Variants in CFAP70 observed in about 807,000 individuals in gnomAD.
The protein encoded by CFAP70 is cilia- and flagella-associated protein 70.
CFAP70 carries 81 observed loss-of-function variants against 137.6 expected under a neutral mutation model. That is an observed-to-expected ratio of 0.59 (90% CI 0.49 to 0.71). The LOEUF (loss-of-function observed/expected upper bound fraction) is 0.71. Among genes scored for constraint, CFAP70 ranks in the 30% least tolerant of loss-of-function variants. CFAP70 has a pLI of 0.00. For missense variants in CFAP70, 976 were observed against 1,226.7 expected, an observed-to-expected ratio of 0.80 and a Z score of 3.05; for synonymous variants, 382 against 423.6, an observed-to-expected ratio of 0.90 and a Z score of 1.20.
intron 12 of CFAP70, among the ~76,000 whole-genome samples, chr10:73,300,306 T>G (rs1449401414): frequency 6.6e-6 from 1 of 152,176 alleles, no homozygotes; most frequent in Non-Finnish European, 1.5e-5. Context: ...TCCCTTTTAG[T>G]TTCAGGTTCT....
At chr10:73,352,265 A>T (rs1043420118) in intron 3 of CFAP70, among the ~76,000 whole-genome samples, 1 of 152,360 alleles carries the variant, frequency 6.6e-6, no homozygotes, top group South Asian at 2.1e-4. Flanking sequence ...CTTCTCTGAC[A>T]TCACTAGGGT....
intron 15 of CFAP70, chr10:73,296,552 T>C (rs1424786112): frequency 1.3e-5 from 2 of 152,476 alleles, no homozygotes; most frequent in Non-Finnish European, 2.9e-5. Flanking sequence ...GAAGGCAAGA[T>C]GGAAGACTTA....
intron 19 of CFAP70, among the ~76,000 whole-genome samples, chr10:73,289,195 C>T (rs187694784): frequency 2.6e-5 from 4 of 152,140 alleles, no homozygotes; most frequent in Admixed American, 2.0e-4. Context: ...AGATGATGAA[C>T]ATCAACTGAA....
chr10:73,271,239 C>T (rs531669977), intron 24 of CFAP70, among the ~76,000 whole-genome samples: 11 of 152,224 alleles, frequency 7.2e-5, no homozygotes, highest in Non-Finnish European at 1.2e-4. Flanking sequence ...AGGCCGGGTG[C>T]GGTGGCTCAC....
rs1204217542 is a variant in CFAP70, at chr10:73,335,541, C to T, written c.583-17G>A. ...TTCGCTGTCCTGTAAAATATAAATA[C>T]TTCTGTTCTCGGTATGTGTGCCATG... On this transcript the variant is annotated splice_polypyrimidine_tract_variant and intron_variant, in intron 6 of 26. Transcript: ENST00000310715. The T allele has an allele frequency of 1.3e-6, 2 of 1,583,086 alleles. No homozygotes were observed. The highest frequency in any genetic ancestry group is 1.7e-6 in the Non-Finnish European group (2 of 1,154,730).
intron 12 of CFAP70, among the ~76,000 whole-genome samples, chr10:73,305,611 T>C (rs572684579): frequency 6.6e-6 from 1 of 152,326 alleles, no homozygotes; most frequent in East Asian, 1.9e-4. Context: ...TGTTTTGTTT[T>C]TGTTTGTATT....
intron 19 of CFAP70, among the ~76,000 whole-genome samples, chr10:73,281,390 T>C (rs1564778036): frequency 6.6e-6 from 1 of 151,732 alleles, no homozygotes; most frequent in African/African-American, 2.4e-5. Context: ...AGTTTTGCCA[T>C]TTTGTGCAGG....
chr10:73,345,932 C>T (rs1232614243), intron 4 of CFAP70, among the ~76,000 whole-genome samples: 3 of 151,484 alleles, frequency 2.0e-5, no homozygotes, highest in Non-Finnish European at 1.5e-5. Flanking sequence ...CAGAGTCTCC[C>T]TCTGTCACCC....
intron 7 of CFAP70, 65 bp from the exon 9 acceptor site, chr10:73,331,341 A>C: frequency 7.5e-7 from 1 of 1,341,810 alleles, no homozygotes; most frequent in South Asian, 1.3e-5. Flanking sequence ...ATTTAGGTTA[A>C]AGGGAAATAT....
chr10:73,297,740 C>G (rs1418093842), intron 14 of CFAP70, among the ~76,000 whole-genome samples: 2 of 152,196 alleles, frequency 1.3e-5, no homozygotes, highest in Non-Finnish European at 2.9e-5. Flanking sequence ...ATAGCCAGGA[C>G]AGCTTCTCCT....
At chr10:73,254,550 G>A (rs2044278961) in intron 26 of CFAP70, among the ~76,000 whole-genome samples, 1 of 152,092 alleles carries the variant, frequency 6.6e-6, no homozygotes, top group Admixed American at 6.5e-5. Flanking sequence ...TTCTTTTCAA[G>A]GCAGTAATGC....
intron 7 of CFAP70, among the ~76,000 whole-genome samples, 159 bp downstream of exon 8, chr10:73,335,271 G>A (rs557806963): frequency 6.6e-6 from 1 of 152,072 alleles, no homozygotes; most frequent in East Asian, 1.9e-4. Context: ...GTTATTAGCA[G>A]ATGAACACAA....
Position 73,291,394 on chromosome 10 carries a change from G to A in CFAP70, c.2071C>T (p.His691Tyr), listed in dbSNP as rs143013340. 5 of 1,614,086 alleles carry A rather than the reference G, an allele frequency of 3.1e-6. No homozygotes were observed. In the African/African-American group the frequency reaches 6.7e-5, roughly 22 times the overall value. The change falls in exon 19 of 27, where the codon CAT becomes TAT. Residue 691 changes from histidine to tyrosine, a missense_variant. By Grantham distance (83) the His-to-Tyr change is moderately conservative. Coordinates refer to ENST00000310715, the Ensembl canonical transcript of CFAP70. Reference sequence around the variant, plus strand: ...GCCTGAAGCTGTTTGGAGGCCTCATGAAATGCCATTTCCATTCGAATATCA... The same window carrying A: ...GCCTGAAGCTGTTTGGAGGCCTCATAAAATGCCATTTCCATTCGAATATCA...
chr10:73,261,409 A>G (rs1335234497), intron 25 of CFAP70, among the ~76,000 whole-genome samples: 1 of 152,224 alleles, frequency 6.6e-6, no homozygotes, highest in Admixed American at 6.5e-5. Context: ...TGGACTCACA[A>G]TTCCAAGTGG....
At chr10:73,298,959 C>G (rs2048734331) in exon 14 of CFAP70, 1 of 1,614,020 alleles carries the variant, frequency 6.2e-7, no homozygotes, top group Non-Finnish European at 8.5e-7. Context: ...AAGTTCATAG[C>G]TGAGCTGGCA....
chr10:73,329,298 C>A (rs1411296455), intron 8 of CFAP70, among the ~76,000 whole-genome samples: 3 of 151,882 alleles, frequency 2.0e-5, no homozygotes, highest in African/African-American at 2.4e-5. Context: ...AATGAGAACA[C>A]ATGGACACAG....
chr10:73,320,767 G>A (rs992609595), intron 9 of CFAP70, among the ~76,000 whole-genome samples: 11 of 150,812 alleles, frequency 7.3e-5, no homozygotes, highest in Non-Finnish European at 1.2e-4. Context: ...TCCCAGGTTC[G>A]AGCAATTCTC....
chr10:73,358,366 GGAA>G (rs2054827902), intron 1 of CFAP70, among the ~76,000 whole-genome samples: 5 of 152,216 alleles, frequency 3.3e-5, no homozygotes, highest in Admixed American at 2.6e-4. Flanking sequence ...TCATCTGCTC[GGAA>G]GAAGCTGCAA....
At chr10:73,330,628 G>T (rs2051977166) in intron 8 of CFAP70, among the ~76,000 whole-genome samples, 2 of 151,850 alleles carry the variant, frequency 1.3e-5, no homozygotes, top group Admixed American at 1.3e-4. Context: ...TTATTAAATG[G>T]TCTGCTATTT....
Sources: allele counts gnomAD v4.1 joint callset (sites outside exome capture counted in the v4.1 genomes callset), GRCh38; gene constraint gnomAD v4.1.1; transcripts MANE v1.5; gene names NCBI Gene and HGNC (gene_info 2026-07-23, HGNC 2026-07-21).